The following STRIP1 variants were observed in gnomAD, a reference collection of about 807,000 sequenced individuals.
The protein encoded by STRIP1 is striatin interacting protein 1, also known as striatin-interacting protein 1.
In STRIP1, 63 loss-of-function variants were observed where a neutral mutation model predicts 106.2. That is an observed-to-expected ratio of 0.59 (90% CI 0.48 to 0.73). The LOEUF (loss-of-function observed/expected upper bound fraction) is 0.73. Among genes scored for constraint, STRIP1 ranks in the 30% least tolerant of loss-of-function variants. The pLI is 0.00. For missense variants in STRIP1, 857 were observed against 1,074.8 expected (o/e 0.80, Z 2.83); for synonymous variants, 390 against 413.0 (o/e 0.94, Z 0.67).
At chr1:110,049,362 C>T (rs1299294342) in intron 16 of STRIP1, 98 bp from the exon 17 acceptor site, 5 of 1,555,006 alleles carry the variant, frequency 3.2e-6, no homozygotes, top group East Asian at 2.2e-5. Context: ...TGTTCTAAGA[C>T]ATGGCCCTTC....
Position 110,051,674 on chromosome 1 carries a change from C to G in STRIP1, c.2062-9C>G, listed in dbSNP as rs1296393595. ...TCAACTTGGGCTGCTTGCTTGTTTC[C>G]CTTCCCAGATGCTGGTGGTGTTCAA... On this transcript the variant is annotated splice_polypyrimidine_tract_variant and intron_variant, in intron 19 of 20. Transcript: ENST00000369795. 6.3e-7 allele frequency: 1 copy of G among 1,593,054 alleles called. No individual in the cohort carries two copies. The highest frequency in any genetic ancestry group is 2.3e-5 in the East Asian group (1 of 44,036).
At chr1:110,041,219 G>C in intron 6 of STRIP1, 1 of 221,544 alleles carries the variant, frequency 4.5e-6, no homozygotes, top group Non-Finnish European at 8.9e-6. Flanking sequence ...TGGTTGTAGT[G>C]TTGCCTCCCG....
intron 13 of STRIP1, 70 bp from the exon 14 acceptor site, chr1:110,047,472 A>G: frequency 7.7e-7 from 1 of 1,297,564 alleles, no homozygotes; most frequent in Non-Finnish European, 1.1e-6. Context: ...TCCTCCAGCC[A>G]GCTAGGAAGC....
rs1425148780 is a variant in STRIP1, at chr1:110,034,813, C to CA, written c.177dup (p.Glu60ArgfsTer12). The CA allele has an allele frequency of 3.6e-6, 5 of 1,403,752 alleles. No individual in the cohort carries two copies. Among genetic ancestry groups the CA allele is most frequent in the Non-Finnish European group, 4.6e-6 (5 of 1,082,564 alleles). 87.0% of individuals were successfully genotyped at this position (1,403,752 alleles called of 1,614,324 possible). A position where few individuals can be genotyped will look rare whatever the true frequency, so the allele number is the denominator to read the frequency against. Reference sequence around the variant, plus strand: ...TTCAACCGCAACCAGCGCAAAGACTCAGAGGTCAGGAGCTTCGGGGGGCGA... The same window carrying CA: ...TTCAACCGCAACCAGCGCAAAGACTCAAGAGGTCAGGAGCTTCGGGGGGCGA... On this transcript the variant is annotated frameshift_variant, in exon 1 of 21. Transcript: ENST00000369795. LOFTEE classifies it high-confidence loss of function.
chr1:110,032,541 G>A (rs559310126), upstream of STRIP1, among the ~76,000 whole-genome samples: 33 of 152,296 alleles, frequency 2.2e-4, no homozygotes, highest in African/African-American at 7.7e-4. Flanking sequence ...TGTCTGATGA[G>A]TATCTCAAAC....
upstream of STRIP1, chr1:110,034,620 G>A: frequency 2.7e-6 from 4 of 1,503,926 alleles, no homozygotes; most frequent in Non-Finnish European, 3.5e-6. Flanking sequence ...GTTAAGCTGG[G>A]GGTGTGGAGC....
At chr1:110,045,382 C>T in intron 12 of STRIP1, 1 of 345,426 alleles carries the variant, frequency 2.9e-6, no homozygotes. Context: ...GAGGTTGATG[C>T]AGGAGGATTG....
At chr1:110,051,162 T>A in intron 19 of STRIP1, 102 bp downstream of exon 19, 3 of 782,146 alleles carry the variant, frequency 3.8e-6, no homozygotes, top group Non-Finnish European at 6.8e-6. Context: ...CCTTCTCACT[T>A]AACTTTGCTG....
chr1:110,040,660 G>C lies in STRIP1; in HGVS notation c.607G>C (p.Val203Leu). The C allele has an allele frequency of 1.9e-6, 3 of 1,612,558 alleles. No homozygotes were observed. Among genetic ancestry groups the C allele is most frequent in the Non-Finnish European group, 2.5e-6 (3 of 1,179,318 alleles). The change falls in exon 6 of 21, where the codon GTG becomes CTG. Residue 203 changes from valine to leucine, a missense_variant. By Grantham distance (32) the Val-to-Leu change is conservative. Around this residue, in one of 2 missense-constraint regions of STRIP1, gnomAD observed 750 missense variants for 989.8 expected, o/e 0.76. Transcript: ENST00000369795. ...IDNSAACSSA[V>L]RKPAISLADS... ...CAACAGTGCCGCCTGCAGCAGTGCT[G>C]TGAGGAAGCCTGCCATCTCCCTGGC... is the stretch of plus-strand genomic sequence containing the variant.
Position 110,049,562 on chromosome 1 carries a change from T to G in STRIP1, c.1889+2T>G. 2 of 1,604,190 alleles carry G rather than the reference T, an allele frequency of 1.2e-6. No homozygotes were observed. The highest frequency in any genetic ancestry group is 8.5e-7 in the Non-Finnish European group (1 of 1,172,106). ...GTCCTACATCACTGCCAAGAACAGG[T>G]GATGAGGGCCAGGGACCATGAAGGG... On this transcript the variant is annotated splice_donor_variant, in intron 17 of 20. Transcript: ENST00000369795. LOFTEE classifies it high-confidence loss of function.
At chr1:110,046,311 C>T (rs1653014935) in intron 12 of STRIP1, among the ~76,000 whole-genome samples, 1 of 151,894 alleles carries the variant, frequency 6.6e-6, no homozygotes, top group Non-Finnish European at 1.5e-5. Context: ...ACCAGCCTCA[C>T]CAACATGGCA....
chr1:110,039,557 G>A lies in STRIP1; in HGVS notation c.581+42G>A, dbSNP rs746148933. ...GGCTGAGTAGGGAAGGGGAGGCTGG[G>A]ATGGGAAGGGGGACAGAGCTTGCAG... On this transcript the variant is annotated intron_variant, in intron 5 of 20. Transcript: ENST00000369795. The A allele has an allele frequency of 7.0e-6, 11 of 1,569,618 alleles. No individual in the cohort carries two copies. The Admixed American group carries it at 1.9e-4, about 27-fold the overall frequency.
chr1:110,045,110 T>G, intron 12 of STRIP1, 32 bp downstream of exon 12: 8 of 1,609,832 alleles, frequency 5.0e-6, no homozygotes, highest in Non-Finnish European at 6.8e-6. Flanking sequence ...TTTGGCTTGT[T>G]TGGTCCTAAG....
At chr1:110,033,756 G>A (rs557176993), upstream of STRIP1, among the ~76,000 whole-genome samples, 31 of 152,324 alleles carry the variant, frequency 2.0e-4, no homozygotes, top group African/African-American at 7.5e-4. Context: ...TATGGAATTT[G>A]GGGGACACAG....
At chr1:110,035,994 A>G (rs1652433883) in intron 1 of STRIP1, among the ~76,000 whole-genome samples, 1 of 152,208 alleles carries the variant, frequency 6.6e-6, no homozygotes, top group Non-Finnish European at 1.5e-5. Flanking sequence ...AGTGTTAACT[A>G]CTCAGTTTTT....
chr1:110,035,743 T>C (rs529769426), intron 1 of STRIP1, among the ~76,000 whole-genome samples: 108 of 152,148 alleles, frequency 7.1e-4, no homozygotes, highest in African/African-American at 2.4e-3. Context: ...TGAGAGGGAA[T>C]TCCTAGTTGT....
At chr1:110,047,080 C>T (rs566889472) in intron 13 of STRIP1, among the ~76,000 whole-genome samples, 8 of 152,256 alleles carry the variant, frequency 5.3e-5, no homozygotes, top group South Asian at 4.2e-4. Flanking sequence ...CTTCAGCCCC[C>T]GGGATCCCCA....
intron 6 of STRIP1, 183 bp from the exon 7 acceptor site, chr1:110,041,350 TGTG>T (rs2101770878): frequency 1.8e-6 from 1 of 553,138 alleles, no homozygotes; most frequent in Non-Finnish European, 3.2e-6. Context: ...CTACCACCTC[TGTG>T]GTTTTTTTCT....
intron 1 of STRIP1, among the ~76,000 whole-genome samples, chr1:110,036,468 A>G (rs539820006): frequency 1.6e-4 from 25 of 152,300 alleles, no homozygotes; most frequent in African/African-American, 6.0e-4. Flanking sequence ...CAAAAAAAAA[A>G]ATTTCCTCAT....
Sources: gnomAD v4.1 joint callset for allele counts (sites outside exome capture counted in the v4.1 genomes callset) on GRCh38, gnomAD v4.1.1 for gene constraint, gnomAD v4.1.1 regional missense constraint, MANE v1.5 for transcripts, NCBI Gene and HGNC (gene_info 2026-07-23, HGNC 2026-07-21) for gene names.